KAZN: variants seen among roughly 807,000 people sequenced by gnomAD.
KAZN encodes the protein kazrin, periplakin interacting protein.
Under a neutral mutation model 87.4 loss-of-function variants are expected in KAZN, and 40 were observed. That is an observed-to-expected ratio of 0.46 (90% confidence interval 0.36 to 0.60). The LOEUF is 0.60. KAZN is among the 20% of genes least tolerant of loss of function. The pLI is 0.00. For synonymous variants in KAZN, 466 were observed against 458.3 expected (o/e 1.02, Z -0.22); for missense variants, 898 against 1,073.9 (o/e 0.84, Z 2.29).
chr1:14,558,319 A>G (rs546785986), intron 2 of KAZN, among the ~76,000 whole-genome samples: 33 of 152,350 alleles, frequency 2.2e-4, no homozygotes, highest in African/African-American at 7.2e-4. Context: ...AGCTGGGCTC[A>G]GCTGCAAGTA....
At chr1:14,256,635 C>A (rs1650536388) in intron 2 of KAZN, among the ~76,000 whole-genome samples, 1 of 152,092 alleles carries the variant, frequency 6.6e-6, no homozygotes, top group Non-Finnish European at 1.5e-5. Context: ...TTCTCGGAGC[C>A]CATCCCTTCT....
chr1:14,839,112 C>T (rs554051116), intron 1 of KAZN, among the ~76,000 whole-genome samples: 4 of 152,336 alleles, frequency 2.6e-5, no homozygotes, highest in East Asian at 1.9e-4. Context: ...CCCTGCCTGT[C>T]CTGCCACTTC....
rs577395302 is a variant in KAZN, at chr1:14,978,529, C to T, written c.418+17654C>T. On this transcript the variant is annotated intron_variant, in intron 2 of 14. Transcript: ENST00000376030. Reference sequence around the variant, plus strand: ...CCTTTTTGGGGATCTTGCAGACCGACCTGGGAAGCCCCTGAGGCAGTCTTC... The same window carrying T: ...CCTTTTTGGGGATCTTGCAGACCGATCTGGGAAGCCCCTGAGGCAGTCTTC... Among the ~76,000 whole-genome samples, 9 of 152,162 alleles carry T rather than the reference C, an allele frequency of 5.9e-5. No individual in the cohort carries two copies. The South Asian group carries it at 1.7e-3, about 28-fold the overall frequency.
chr1:14,382,325 T>C (rs1324739092), intron 2 of KAZN, among the ~76,000 whole-genome samples: 1 of 152,172 alleles, frequency 6.6e-6, no homozygotes. Flanking sequence ...ACAATTCTTT[T>C]TTTTATTATA....
At chr1:14,756,071 T>C (rs1644556318) in intron 1 of KAZN, among the ~76,000 whole-genome samples, 1 of 152,174 alleles carries the variant, frequency 6.6e-6, no homozygotes, top group Non-Finnish European at 1.5e-5. Context: ...ACTTCCTGCC[T>C]TCTGCTAGTT....
At position 14,735,863 on chromosome 1, in the gene KAZN, T is replaced by C. The variant is rs928285389; in HGVS notation, c.226+136640T>C. On this transcript the variant is annotated intron_variant, in intron 1 of 14. Coordinates refer to ENST00000376030, the MANE Select transcript of KAZN (RefSeq NM_201628.3). This position sits in a 1 kb window ranked among gnomAD's most constrained non-coding sequence, Gnocchi z 4.3. ...CTTAATCCCCAGAGCCTTTGTGATT[T>C]GTAAGTTTCAGGCTTGAGCTTGAGG... Among the ~76,000 whole-genome samples the C allele has an allele frequency of 3.3e-5, 5 of 152,186 alleles. No homozygotes were observed. Among genetic ancestry groups the C allele is most frequent in the African/African-American group, 1.2e-4 (5 of 41,438 alleles).
rs376980698 is a variant in KAZN at position 13,969,110 on chromosome 1, TG to T, written c.91+75355del. ...TGTGCCGAGGAGTCTTCTAAATACT[TG>T]AGATATGGCAGTAAACAAAAAACAA... On this transcript the variant is annotated intron_variant, in intron 1 of 16. Coordinates refer to the KAZN transcript ENST00000636203. Among the ~76,000 whole-genome samples the T allele has an allele frequency of 4.2e-4, 64 of 152,334 alleles. No individual in the cohort carries two copies. The East Asian group carries it at 0.012, about 29-fold the overall frequency.
chr1:14,685,454 A>C (rs1184753375), intron 1 of KAZN, among the ~76,000 whole-genome samples: 1 of 152,224 alleles, frequency 6.6e-6, no homozygotes, highest in Non-Finnish European at 1.5e-5. Context: ...AAGTCAGGCC[A>C]ATGTGCACCC....
chr1:14,162,725 T>C (rs1022715317), intron 1 of KAZN, among the ~76,000 whole-genome samples: 1 of 151,938 alleles, frequency 6.6e-6, no homozygotes, highest in African/African-American at 2.4e-5. Flanking sequence ...TTTGTATTTT[T>C]AGTAGAGACG....
intron 1 of KAZN, among the ~76,000 whole-genome samples, chr1:14,910,257 G>A (rs1041248419): frequency 2.6e-5 from 4 of 152,138 alleles, no homozygotes; most frequent in Non-Finnish European, 5.9e-5. Context: ...TCCCAGGAGT[G>A]CGAGTGAGCG....
At chr1:14,756,954 G>A (rs1289471035) in intron 1 of KAZN, among the ~76,000 whole-genome samples, 3 of 152,194 alleles carry the variant, frequency 2.0e-5, no homozygotes, top group Non-Finnish European at 4.4e-5. Flanking sequence ...TTGATTAAGT[G>A]TCCCTTTACC....
At chr1:14,505,826 TA>T (rs990634891) in intron 2 of KAZN, among the ~76,000 whole-genome samples, 13 of 151,262 alleles carry the variant, frequency 8.6e-5, no homozygotes, top group African/African-American at 3.2e-4. Context: ...TACAAAAAAT[TA>T]GCCAGGCGTG....
In KAZN at chr1:15,101,582, C is replaced by T. The variant is rs1321795225; in HGVS notation, c.1587C>T (p.Ala529=). The T allele has an allele frequency of 1.3e-6, 2 of 1,553,304 alleles. No homozygotes were observed. The highest frequency in any genetic ancestry group is 1.4e-5 in the African/African-American group (1 of 73,234). Residue 529 remains alanine (A), a synonymous_variant, in exon 11 of 15, where the codon GCC becomes GCT. Coordinates refer to ENST00000376030, the MANE Select transcript of KAZN (RefSeq NM_201628.3). ...CCGAGCTGGACCATCACTGGGTGGC[C>T]AAGGCCTGGCTGAATGACATTGGCC... is the stretch of plus-strand genomic sequence containing the variant. ...KAAELDHHWV[A]KAWLNDIGLS...
chr1:14,308,870 T>C (rs1655103572), intron 2 of KAZN, among the ~76,000 whole-genome samples: 1 of 152,228 alleles, frequency 6.6e-6, no homozygotes, highest in Admixed American at 6.5e-5. Context: ...GTCTGTCAGA[T>C]TATTTCCAGG....
intron 1 of KAZN, among the ~76,000 whole-genome samples, chr1:14,136,768 G>C (rs2101751576): frequency 6.6e-6 from 1 of 152,258 alleles, no homozygotes; most frequent in East Asian, 1.9e-4. Flanking sequence ...GCTCCAAATT[G>C]CAACTCTTTG....
chr1:14,903,543 T>A (rs149044840), intron 1 of KAZN, among the ~76,000 whole-genome samples: 365 of 152,268 alleles, frequency 2.4e-3, no homozygotes, highest in African/African-American at 8.3e-3. Flanking sequence ...TCCTCCTTAG[T>A]ACATTTGCCA....
At chr1:14,299,980 G>T (rs1327469539) in intron 2 of KAZN, among the ~76,000 whole-genome samples, 5 of 152,146 alleles carry the variant, frequency 3.3e-5, no homozygotes, top group African/African-American at 4.8e-5. Context: ...AGTTGGGAAA[G>T]GCCTTTTGTG....
chr1:14,565,810 T>C (rs1674516309), intron 2 of KAZN, among the ~76,000 whole-genome samples: 1 of 152,336 alleles, frequency 6.6e-6, no homozygotes, highest in Middle Eastern at 3.4e-3. Flanking sequence ...TATTCAAATT[T>C]GATCCTGAGA....
chr1:13,980,047 A>G (rs1638587713), intron 1 of KAZN, among the ~76,000 whole-genome samples: 1 of 152,206 alleles, frequency 6.6e-6, no homozygotes. Context: ...CGGTTCTGAC[A>G]TTGTCCAAGA....
Sources: gnomAD v4.1 joint callset for allele counts (sites outside exome capture counted in the v4.1 genomes callset) on GRCh38, gnomAD v4.1.1 for gene constraint, Gnocchi (gnomAD v3.1) non-coding constraint, MANE v1.5 for transcripts, NCBI Gene and HGNC (gene_info 2026-07-23, HGNC 2026-07-21) for gene names.